Variants in MSRA observed in about 807,000 individuals in gnomAD.
The protein encoded by MSRA is mitochondrial peptide methionine sulfoxide reductase.
MSRA carries 54 observed loss-of-function variants against 31.3 expected under a neutral mutation model. The observed-to-expected ratio is 1.73, with a 90% confidence interval of 1.39 to 2.17. The LOEUF is 2.17. Among genes scored for constraint, MSRA ranks in the 30% most tolerant of loss-of-function variants. The pLI is 0.00. For missense variants in MSRA, 507 were observed against 300.9 expected, an observed-to-expected ratio of 1.69 and a Z score of -5.07; for synonymous variants, 169 against 116.5, an observed-to-expected ratio of 1.45 and a Z score of -2.90.
At chr8:10,159,341 T>C (rs1226589992) in intron 1 of MSRA, among the ~76,000 whole-genome samples, 1 of 152,100 alleles carries the variant, frequency 6.6e-6, no homozygotes, top group African/African-American at 2.4e-5. Context: ...GCATTTACTA[T>C]CAAGAGAGGA....
chr8:10,216,707 A>C (rs992290058), intron 2 of MSRA, among the ~76,000 whole-genome samples: 1 of 152,208 alleles, frequency 6.6e-6, no homozygotes, highest in African/African-American at 2.4e-5. Flanking sequence ...TCTACTTCGC[A>C]TAATGTCTTC....
intron 4 of MSRA, among the ~76,000 whole-genome samples, chr8:10,312,305 A>C (rs1037618374): frequency 1.3e-5 from 2 of 152,252 alleles, no homozygotes; most frequent in Non-Finnish European, 2.9e-5. Flanking sequence ...ACAAATATAC[A>C]ACATTAGGAA....
chr8:10,071,858 C>T (rs189425667), intron 1 of MSRA, among the ~76,000 whole-genome samples: 4 of 152,224 alleles, frequency 2.6e-5, no homozygotes, highest in East Asian at 1.9e-4. Context: ...TATCTCAGTA[C>T]GAGAGTCTCC....
intron 1 of MSRA, among the ~76,000 whole-genome samples, chr8:10,088,798 C>T (rs373461010): frequency 3.8e-4 from 58 of 152,196 alleles, no homozygotes; most frequent in African/African-American, 1.4e-3. Context: ...CAATGGAATA[C>T]TAGCCTTAAG....
chr8:10,348,841 G>A (rs533080194), intron 5 of MSRA, among the ~76,000 whole-genome samples: 1 of 152,176 alleles, frequency 6.6e-6, no homozygotes, highest in African/African-American at 2.4e-5. Context: ...AGAAGGCTTG[G>A]GGGGGACAAG....
chr8:10,135,334 A>G (rs1802196252), intron 1 of MSRA, among the ~76,000 whole-genome samples: 1 of 152,248 alleles, frequency 6.6e-6, no homozygotes, highest in African/African-American at 2.4e-5. Flanking sequence ...CTAAGGTGAC[A>G]AAAGAAATCC....
chr8:10,309,722 C>T (rs1801331903), intron 4 of MSRA, among the ~76,000 whole-genome samples: 1 of 152,194 alleles, frequency 6.6e-6, no homozygotes, highest in Admixed American at 6.5e-5. Flanking sequence ...GCTCCTCAGC[C>T]TGTGCTTGGA....
At chr8:10,152,995 G>A (rs1803842263) in intron 1 of MSRA, among the ~76,000 whole-genome samples, 1 of 152,152 alleles carries the variant, frequency 6.6e-6, no homozygotes, top group Non-Finnish European at 1.5e-5. Flanking sequence ...TGATTTCCAG[G>A]GGCTGAGGAG....
At chr8:10,292,892 G>A (rs1288770376) in intron 3 of MSRA, among the ~76,000 whole-genome samples, 1 of 152,124 alleles carries the variant, frequency 6.6e-6, no homozygotes, top group Non-Finnish European at 1.5e-5. Flanking sequence ...GGAGGGTGGG[G>A]GAAACCAGGT....
At chr8:10,282,994 CT>C (rs1287846938) in intron 3 of MSRA, among the ~76,000 whole-genome samples, 1 of 151,886 alleles carries the variant, frequency 6.6e-6, no homozygotes, top group African/African-American at 2.4e-5. Flanking sequence ...TTGCAGACTG[CT>C]TTTGAAGATT....
chr8:10,169,247 T>C (rs1358248002), intron 1 of MSRA, among the ~76,000 whole-genome samples: 3 of 152,202 alleles, frequency 2.0e-5, no homozygotes, highest in African/African-American at 7.2e-5. Flanking sequence ...AATAGGAAAA[T>C]TGGCCAAAGC....
At chr8:10,346,385 T>C (rs1272918431) in intron 5 of MSRA, among the ~76,000 whole-genome samples, 1 of 152,128 alleles carries the variant, frequency 6.6e-6, no homozygotes, top group Non-Finnish European at 1.5e-5. Flanking sequence ...CCCACTCTCC[T>C]AAGTGTAAAC....
intron 1 of MSRA, among the ~76,000 whole-genome samples, chr8:10,139,362 C>A (rs1802513288): frequency 6.6e-6 from 1 of 151,936 alleles, no homozygotes; most frequent in South Asian, 2.1e-4. Flanking sequence ...TTCTCATGAT[C>A]TTTATTTTCA....
intron 1 of MSRA, 67 bp downstream of exon 1, chr8:10,054,725 G>C (rs922258854): frequency 1.4e-6 from 2 of 1,388,796 alleles, no homozygotes; most frequent in African/African-American, 3.0e-5. Context: ...CCCGGCGGCA[G>C]CGCGCCCGCT....
At chr8:10,426,582 T>C (rs946807592) in intron 5 of MSRA, among the ~76,000 whole-genome samples, 23 of 152,212 alleles carry the variant, frequency 1.5e-4, no homozygotes, top group African/African-American at 5.1e-4. Flanking sequence ...GTTTCTCTGA[T>C]TGGTGGAATC....
intron 3 of MSRA, among the ~76,000 whole-genome samples, chr8:10,271,125 T>A (rs1426393534): frequency 2.6e-5 from 4 of 152,050 alleles, no homozygotes; most frequent in Non-Finnish European, 5.9e-5. Flanking sequence ...GAATAATTTT[T>A]AAGACTCAGT....
chr8:10,127,883 A>C (rs1183285473), intron 1 of MSRA, among the ~76,000 whole-genome samples: 1 of 152,016 alleles, frequency 6.6e-6, no homozygotes. Flanking sequence ...TCCAGGAAGA[A>C]TGGATTTTTT....
chr8:10,317,144 C>T (rs969264121), intron 4 of MSRA, among the ~76,000 whole-genome samples: 2 of 152,158 alleles, frequency 1.3e-5, no homozygotes, highest in Non-Finnish European at 2.9e-5. Flanking sequence ...CGCAAAGCTC[C>T]CTAAGATAGA....
intron 5 of MSRA, among the ~76,000 whole-genome samples, chr8:10,360,798 G>T (rs113883684): frequency 1.2e-4 from 18 of 152,176 alleles, no homozygotes; most frequent in Non-Finnish European, 1.6e-4. Flanking sequence ...ACCCTCTAGT[G>T]GGGGAGAGTG....
Sources: gnomAD v4.1 joint callset for allele counts (sites outside exome capture counted in the v4.1 genomes callset) on GRCh38, gnomAD v4.1.1 for gene constraint, MANE v1.5 for transcripts, NCBI Gene and HGNC (gene_info 2026-07-23, HGNC 2026-07-21) for gene names.